SMOC1: variants seen among roughly 807,000 people sequenced by gnomAD.
SMOC1 encodes SPARC-related modular calcium-binding protein 1.
In SMOC1, 22 loss-of-function variants were observed where a neutral mutation model predicts 56.3. The ratio of observed to expected loss-of-function variants is 0.39; its 90% CI spans 0.28 to 0.56. The LOEUF is 0.56. SMOC1 is among the 20% of genes least tolerant of loss of function. SMOC1 has a pLI of 0.61. For missense variants in SMOC1, 509 were observed against 565.4 expected (o/e 0.90, Z 1.01); for synonymous variants, 193 against 215.0 (o/e 0.90, Z 0.89).
intron 11 of SMOC1, among the ~76,000 whole-genome samples, chr14:70,025,753 A>G (rs1340024077): frequency 6.6e-6 from 1 of 152,212 alleles, no homozygotes; most frequent in Non-Finnish European, 1.5e-5. Context: ...AGCACTTAAA[A>G]GGTTTTGGAT....
intron 10 of SMOC1, among the ~76,000 whole-genome samples, chr14:70,014,749 T>C (rs1421503460): frequency 6.6e-6 from 1 of 152,174 alleles, no homozygotes; most frequent in African/African-American, 2.4e-5. Flanking sequence ...GGCAGCCTGC[T>C]CTGAACTTAT....
intron 4 of SMOC1, 138 bp from the exon 5 acceptor site, chr14:69,977,780 T>C: frequency 1.3e-6 from 1 of 743,978 alleles, no homozygotes; most frequent in Non-Finnish European, 2.5e-6. Context: ...TAACATTGTA[T>C]ATAATATCCT....
chr14:69,998,012 T>C (rs917915194), intron 7 of SMOC1, among the ~76,000 whole-genome samples: 8 of 152,120 alleles, frequency 5.3e-5, no homozygotes, highest in African/African-American at 1.9e-4. Flanking sequence ...TGACGCCAGG[T>C]TTGTTTTCTG....
chr14:70,014,937 G>A (rs1885454860), intron 10 of SMOC1, among the ~76,000 whole-genome samples: 1 of 152,174 alleles, frequency 6.6e-6, no homozygotes, highest in South Asian at 2.1e-4. Flanking sequence ...AGGAGTTTAG[G>A]GCTCCAAGTG....
At chr14:69,974,251 G>A (rs1245932150) in intron 3 of SMOC1, among the ~76,000 whole-genome samples, 8 of 152,112 alleles carry the variant, frequency 5.3e-5, no homozygotes, top group East Asian at 1.9e-4. Context: ...GATTTTGGGG[G>A]CCCCAGGGTG....
intron 3 of SMOC1, among the ~76,000 whole-genome samples, chr14:69,974,483 T>C (rs923043687): frequency 6.6e-6 from 1 of 151,542 alleles, no homozygotes; most frequent in Admixed American, 6.6e-5. Flanking sequence ...GAGTGGAGGG[T>C]GTGTGCTGGG....
chr14:69,895,864 T>A (rs943924612), intron 1 of SMOC1, among the ~76,000 whole-genome samples: 1 of 109,148 alleles, frequency 9.2e-6, no homozygotes, highest in African/African-American at 2.6e-5. Flanking sequence ...CTTCTCTTTT[T>A]TTCTTTTTTT....
In SMOC1 at chr14:70,010,912, G is replaced by A; in HGVS notation, c.823G>A (p.Asp275Asn). ...STGYCWCVLVDTGRPLPGTST... is the reference protein window; with the variant it reads ...STGYCWCVLVNTGRPLPGTST... ...TGGCTACTGCTGGTGTGTGCTGGTG[G>A]ACACAGGGCGCCCGCTGCCTGGGAC... The change falls in exon 8 of 12, where the codon GAC becomes AAC. Residue 275 changes from aspartate (D) to asparagine (N), a missense_variant. Physicochemically the swap from Asp to Asn is conservative, Grantham distance 23 (BLOSUM62 1). Coordinates refer to ENST00000361956, the MANE Select transcript of SMOC1 (RefSeq NM_001034852.3). The A allele has an allele frequency of 3.7e-6, 6 of 1,613,248 alleles. No homozygotes were observed. The highest frequency in any genetic ancestry group is 5.1e-6 in the Non-Finnish European group (6 of 1,180,028).
chr14:69,982,964 G>A (rs907766506), intron 5 of SMOC1, among the ~76,000 whole-genome samples: 1 of 152,190 alleles, frequency 6.6e-6, no homozygotes, highest in Non-Finnish European at 1.5e-5. Context: ...TCTCCGAGCC[G>A]CCTCCACCAA....
intron 1 of SMOC1, among the ~76,000 whole-genome samples, chr14:69,932,078 G>A (rs981280678): frequency 5.3e-5 from 8 of 152,250 alleles, no homozygotes; most frequent in African/African-American, 1.9e-4. Context: ...AACCCGAGCT[G>A]TTCCTCAACC....
At chr14:69,950,713 C>T (rs1348813051) in intron 1 of SMOC1, among the ~76,000 whole-genome samples, 1 of 152,202 alleles carries the variant, frequency 6.6e-6, no homozygotes, top group Non-Finnish European at 1.5e-5. Flanking sequence ...GGTTATGGAG[C>T]AGAAGCTCAT....
At chr14:69,954,860 T>C (rs914337059) in intron 3 of SMOC1, among the ~76,000 whole-genome samples, 4 of 152,222 alleles carry the variant, frequency 2.6e-5, no homozygotes, top group Admixed American at 1.3e-4. Flanking sequence ...TCTGAGGGGC[T>C]TCAGGTATCA....
chr14:70,027,701 C>T (rs1006314695), intron 11 of SMOC1, among the ~76,000 whole-genome samples: 2 of 152,168 alleles, frequency 1.3e-5, no homozygotes, highest in African/African-American at 2.4e-5. Context: ...TCTAAGCCTC[C>T]GTTTCCCCAT....
Position 69,952,234 on chromosome 14 carries a change from A to G in SMOC1, c.196A>G (p.Met66Val). The change falls in exon 2 of 12, where the codon ATG becomes GTG. Residue 66 changes from methionine (M) to valine (V), a missense_variant. By Grantham distance (21) the Met-to-Val change is conservative. This residue lies in a region of SMOC1 where 315 missense variants were observed against 333.1 expected (regional missense o/e 0.95). Transcript: ENST00000361956. Reference protein sequence around the residue: ...CASDGRSYESMCEYQRAKCRD... With the variant: ...CASDGRSYESVCEYQRAKCRD... ...CTCTGATGGCAGGTCCTACGAGTCCATGTGTGAGTACCAGCGAGCCAAGTG... is the reference window on the plus strand; with the variant it reads ...CTCTGATGGCAGGTCCTACGAGTCCGTGTGTGAGTACCAGCGAGCCAAGTG... The G allele has an allele frequency of 1.2e-6, 2 of 1,614,158 alleles. No individual in the cohort carries two copies. Among genetic ancestry groups the G allele is most frequent in the Non-Finnish European group, 1.7e-6 (2 of 1,180,012 alleles).
intron 1 of SMOC1, among the ~76,000 whole-genome samples, chr14:69,891,857 G>T (rs1214842933): frequency 5.3e-5 from 8 of 152,162 alleles, no homozygotes; most frequent in Non-Finnish European, 1.5e-5. Flanking sequence ...GCATAAGTAT[G>T]ACCCGCATAA....
At chr14:69,982,113 A>G (rs576193111) in intron 5 of SMOC1, among the ~76,000 whole-genome samples, 1 of 152,290 alleles carries the variant, frequency 6.6e-6, no homozygotes, top group Non-Finnish European at 1.5e-5. Context: ...GGCAAGTGAA[A>G]GTTTAGGGTC....
intron 1 of SMOC1, among the ~76,000 whole-genome samples, chr14:69,906,096 A>G (rs1353201086): frequency 1.3e-5 from 2 of 152,164 alleles, no homozygotes. Flanking sequence ...GGATTGTAGC[A>G]GATTGCATTT....
intron 5 of SMOC1, among the ~76,000 whole-genome samples, chr14:69,983,081 C>T (rs566420086): frequency 1.2e-4 from 18 of 152,172 alleles, no homozygotes; most frequent in Non-Finnish European, 2.5e-4. Flanking sequence ...CTAACTGCTC[C>T]GCCAGCTTGG....
chr14:69,918,510 G>C (rs1884747323), intron 1 of SMOC1, among the ~76,000 whole-genome samples: 1 of 152,150 alleles, frequency 6.6e-6, no homozygotes, highest in South Asian at 2.1e-4. Context: ...TTACAGGTGT[G>C]AGCCACCACG....
Sources: gnomAD v4.1 joint callset for allele counts (sites outside exome capture counted in the v4.1 genomes callset) on GRCh38, gnomAD v4.1.1 for gene constraint, gnomAD v4.1.1 regional missense constraint, MANE v1.5 for transcripts, NCBI Gene and HGNC (gene_info 2026-07-23, HGNC 2026-07-21) for gene names.